TEX10: variants seen among roughly 807,000 people sequenced by gnomAD.
TEX10 encodes the protein testis expressed 10.
TEX10 carries 24 observed loss-of-function variants against 104.4 expected under a neutral mutation model. The observed-to-expected ratio is 0.23, with a 90% confidence interval of 0.17 to 0.32. TEX10 has a LOEUF of 0.32. Among genes scored for constraint, TEX10 ranks in the 10% least tolerant of loss-of-function variants. The pLI is 1.00. For synonymous variants in TEX10, 396 were observed against 393.4 expected, an observed-to-expected ratio of 1.01 and a Z score of -0.08; for missense variants, 921 against 1,083.9, an observed-to-expected ratio of 0.85 and a Z score of 2.11.
At chr9:100,341,759 G>C (rs536614774) in intron 4 of TEX10, among the ~76,000 whole-genome samples, 1 of 152,194 alleles carries the variant, frequency 6.6e-6, no homozygotes, top group Non-Finnish European at 1.5e-5. Context: ...GATACAGGAA[G>C]GGGGAAAGGA....
intron 4 of TEX10, among the ~76,000 whole-genome samples, chr9:100,341,704 C>G (rs534956433): frequency 6.6e-6 from 1 of 152,130 alleles, no homozygotes; most frequent in African/African-American, 2.4e-5. Context: ...ATTCCCCACA[C>G]AGCAGCCAGG....
intron 13 of TEX10, chr9:100,306,330 G>A (rs1834143995): frequency 6.6e-6 from 1 of 151,266 alleles, no homozygotes; most frequent in African/African-American, 2.4e-5. Context: ...AGCACACTAT[G>A]TCTAGGGCAG....
In TEX10 at chr9:100,348,311, G is replaced by A. The variant is rs1007746348; in HGVS notation, c.180+873C>T. Among the ~76,000 whole-genome samples the A allele has an allele frequency of 8.5e-5, 13 of 152,200 alleles. No individual in the cohort carries two copies. The East Asian group carries it at 2.1e-3, about 25-fold the overall frequency. The stretch of plus-strand genomic sequence containing the variant: ...AATGGGTATAAGTTTTCTTCTTGGA[G>A]TGATAAAAACGTTCTAAAATTAGAT... On this transcript the variant is annotated intron_variant, in intron 2 of 14. Transcript: ENST00000374902.
chr9:100,326,165 GAT>G (rs1834699918), intron 9 of TEX10, 135 bp downstream of exon 9: 2 of 853,034 alleles, frequency 2.3e-6, no homozygotes, highest in East Asian at 2.7e-5. Context: ...TCTACCTAGT[GAT>G]ATAGTTTTAA....
chr9:100,349,766 G>A (rs1457626951), intron 1 of TEX10, among the ~76,000 whole-genome samples: 2 of 152,082 alleles, frequency 1.3e-5, no homozygotes, highest in African/African-American at 4.8e-5. Context: ...GAGCCTCGGA[G>A]GAACTTCTCT....
chr9:100,310,478 G>C (rs1320620862), intron 11 of TEX10, 99 bp from the exon 12 acceptor site: 13 of 1,128,244 alleles, frequency 1.2e-5, no homozygotes, highest in Non-Finnish European at 1.7e-5. Flanking sequence ...TCACTCTGTC[G>C]CCCAGGCTGG....
chr9:100,334,922 C>A (rs1834970663), intron 5 of TEX10, among the ~76,000 whole-genome samples: 1 of 152,206 alleles, frequency 6.6e-6, no homozygotes, highest in African/African-American at 2.4e-5. Context: ...ACCTTTGCCT[C>A]CCAAAGTGCT....
At position 100,352,820 on chromosome 9, in the gene TEX10, G is replaced by C; in HGVS notation, c.-58C>G. 2 of 1,044,686 alleles carry C rather than the reference G, an allele frequency of 1.9e-6. No individual in the cohort carries two copies. The highest frequency in any genetic ancestry group is 2.3e-6 in the Non-Finnish European group (2 of 870,672). The allele number at this position is 1,044,686 out of a possible 1,614,324, so 64.7% of individuals were successfully genotyped here. ...GCGAGAAGCCCGAGAAGACAAGCGAGGGAGCAGAAGCCCACGGGGCAACAG... is the reference window on the plus strand; with the variant it reads ...GCGAGAAGCCCGAGAAGACAAGCGACGGAGCAGAAGCCCACGGGGCAACAG... On this transcript the variant is annotated 5_prime_UTR_variant, in exon 1 of 15. Transcript: ENST00000374902.
Position 100,327,973 on chromosome 9 carries a change from C to T in TEX10, c.1626-11G>A. 6.6e-7 allele frequency: 1 copy of T among 1,506,510 alleles called. No homozygotes were observed. The highest frequency in any genetic ancestry group is 9.0e-7 in the Non-Finnish European group (1 of 1,114,350). The allele number at this position is 1,506,510 out of a possible 1,614,324, so 93.3% of individuals were successfully genotyped here. Reference sequence around the variant, plus strand: ...ACTTTACTACGATATCTTAGAAAGGCCAAAGAAGAATAAAATGTAATACTC... The same window carrying T: ...ACTTTACTACGATATCTTAGAAAGGTCAAAGAAGAATAAAATGTAATACTC... On this transcript the variant is annotated splice_polypyrimidine_tract_variant and intron_variant, in intron 7 of 14. Coordinates refer to ENST00000374902, the MANE Select transcript of TEX10 (RefSeq NM_017746.4).
At chr9:100,344,487 A>C (rs558181832) in intron 4 of TEX10, among the ~76,000 whole-genome samples, 1 of 146,668 alleles carries the variant, frequency 6.8e-6, no homozygotes, top group Non-Finnish European at 1.5e-5. Flanking sequence ...ACAAAAGTTT[A>C]CTAGTGCTTA....
In TEX10 at chr9:100,329,940, G is replaced by C; in HGVS notation, c.1480C>G (p.Pro494Ala). Residue 494 changes from proline (P) to alanine (A), a missense_variant, in exon 6 of 15, where the codon CCA becomes GCA. Pro to Ala is a conservative substitution (Grantham distance 27). Coordinates refer to ENST00000374902, the MANE Select transcript of TEX10 (RefSeq NM_017746.4). ...GVSWRLMQIQ[P>A]NREDTETLIK... ...AAGTAGCATCACCTACCTCTGTTTG[G>C]CTGTATTTGCATTAACCTCCAGGAT... 3 of 1,609,590 alleles carry C rather than the reference G, an allele frequency of 1.9e-6. No individual in the cohort carries two copies. Among genetic ancestry groups the C allele is most frequent in the Non-Finnish European group, 2.5e-6 (3 of 1,177,054 alleles).
intron 11 of TEX10, among the ~76,000 whole-genome samples, chr9:100,311,458 C>T (rs1341354656): frequency 6.6e-6 from 1 of 152,100 alleles, no homozygotes; most frequent in Non-Finnish European, 1.5e-5. Context: ...TCCTAAAGAA[C>T]CTACTGAGGA....
rs200031585 is a variant in TEX10 at position 100,326,258 on chromosome 9, A to G, written c.1979+44T>C. The G allele has an allele frequency of 3.8e-5, 60 of 1,574,218 alleles. No homozygotes were observed. The East Asian group carries it at 1.3e-3, about 35-fold the overall frequency. On this transcript the variant is annotated intron_variant, in intron 9 of 14. Coordinates refer to ENST00000374902, the MANE Select transcript of TEX10 (RefSeq NM_017746.4). ...ATTCACAAATTACCAGTAAAAGGGG[A>G]AAAAGATTATACACTTAAAATACAG...
Position 100,313,242 on chromosome 9 carries a change from T to C in TEX10, c.2203-2863A>G, listed in dbSNP as rs1834323620. Among the ~76,000 whole-genome samples the C allele has an allele frequency of 2.0e-5, 3 of 152,242 alleles. No individual in the cohort carries two copies. In the South Asian group the frequency reaches 6.2e-4, roughly 32 times the overall value. Reference sequence around the variant, plus strand: ...AACATTAAGAAATAGTGGCCGGGCATGGTGGCTCATGCCTGTAACCCCAGC... The same window carrying C: ...AACATTAAGAAATAGTGGCCGGGCACGGTGGCTCATGCCTGTAACCCCAGC... On this transcript the variant is annotated intron_variant, in intron 11 of 14. Transcript: ENST00000374902.
rs151131873 is a variant in TEX10 at position 100,331,578 on chromosome 9, TAAAAG to T, written c.1251-1414_1251-1410del. Among the ~76,000 whole-genome samples the T allele has an allele frequency of 1.1e-4, 17 of 152,094 alleles. No individual in the cohort carries two copies. In the East Asian group the frequency reaches 3.3e-3, roughly 29 times the overall value. On this transcript the variant is annotated intron_variant, in intron 5 of 14. Coordinates refer to ENST00000374902, the MANE Select transcript of TEX10 (RefSeq NM_017746.4). ...AACCACAAATACATGAGAAGGGAAA[TAAAAG>T]AAATCTGGCATTATCAAGCATCAAA... is the stretch of plus-strand genomic sequence containing the variant.
chr9:100,320,689 G>C (rs62578356), intron 10 of TEX10, among the ~76,000 whole-genome samples: 5,875 of 152,226 alleles, frequency 0.039, 184 homozygotes, highest in Non-Finnish European at 0.056. Flanking sequence ...AGAGTGAAAG[G>C]CATAATCTTT....
At chr9:100,352,532 AAACCAGGCG>A in intron 1 of TEX10, 1 of 1,549,158 alleles carries the variant, frequency 6.5e-7, no homozygotes, top group Non-Finnish European at 8.7e-7. Context: ...CTCGGACCCG[AAACCAGGCG>A]AACCCGCCCA....
At chr9:100,329,835 CAT>C (rs1325252920) in intron 6 of TEX10, 94 bp downstream of exon 6, 2 of 1,036,840 alleles carry the variant, frequency 1.9e-6, no homozygotes, top group Non-Finnish European at 2.9e-6. Context: ...AGCCTGACTA[CAT>C]GGAATGTTTA....
At chr9:100,302,928 GC>G (rs34327969) in intron 14 of TEX10, among the ~76,000 whole-genome samples, 147 of 134,252 alleles carry the variant, frequency 1.1e-3, no homozygotes, top group South Asian at 8.0e-3. Flanking sequence ...TTTTTTAACC[GC>G]CCCCCCCCCA....
Sources: allele counts gnomAD v4.1 joint callset (sites outside exome capture counted in the v4.1 genomes callset), GRCh38; gene constraint gnomAD v4.1.1; transcripts MANE v1.5; gene names NCBI Gene and HGNC (gene_info 2026-07-23, HGNC 2026-07-21).